MACROD2: variants seen among roughly 807,000 people sequenced by gnomAD.
MACROD2 encodes mono-ADP ribosylhydrolase 2, also known as ADP-ribose glycohydrolase MACROD2.
MACROD2 carries 36 observed loss-of-function variants against 70.4 expected under a neutral mutation model. The observed-to-expected ratio is 0.51, with a 90% confidence interval of 0.39 to 0.68. The LOEUF (loss-of-function observed/expected upper bound fraction) is 0.68. Ranked by LOEUF, MACROD2 falls within the 30% of genes least tolerant of loss-of-function variation. The probability of loss-of-function intolerance (pLI) is 0.00; values close to 1 mark genes in which losing one functional copy is unlikely to be tolerated. For synonymous variants in MACROD2, 172 were observed against 178.8 expected (o/e 0.96, Z 0.30); for missense variants, 496 against 538.4 (o/e 0.92, Z 0.78).
intron 13 of MACROD2, among the ~76,000 whole-genome samples, chr20:15,971,114 A>T (rs991908871): frequency 1.3e-5 from 2 of 152,192 alleles, no homozygotes; most frequent in Admixed American, 1.3e-4. Flanking sequence ...CATCTTTCAT[A>T]TTTCTGCATG....
intron 3 of MACROD2, among the ~76,000 whole-genome samples, chr20:14,103,287 G>A (rs1332192012): frequency 2.6e-5 from 4 of 152,096 alleles, no homozygotes; most frequent in Non-Finnish European, 5.9e-5. Context: ...ATCTTCTGAA[G>A]TTAAATAGTA....
chr20:14,453,233 G>T (rs2084264032), intron 3 of MACROD2, among the ~76,000 whole-genome samples: 1 of 152,152 alleles, frequency 6.6e-6, no homozygotes, highest in Non-Finnish European at 1.5e-5. Flanking sequence ...GAGAATGCTT[G>T]TAGTTTGTCA....
intron 2 of MACROD2, among the ~76,000 whole-genome samples, chr20:14,081,009 T>G (rs2053986665): frequency 6.6e-6 from 1 of 152,230 alleles, no homozygotes; most frequent in African/African-American, 2.4e-5. Flanking sequence ...TAAGCAAACT[T>G]TAGGCAGGTT....
intron 3 of MACROD2, among the ~76,000 whole-genome samples, chr20:14,482,201 T>C (rs56157427): frequency 1.1e-4 from 16 of 151,154 alleles, no homozygotes; most frequent in Middle Eastern, 3.5e-3. Context: ...CAGCATACTT[T>C]AGATGTGTAA....
intron 8 of MACROD2, among the ~76,000 whole-genome samples, chr20:15,531,659 A>G (rs2047803054): frequency 6.6e-6 from 1 of 152,156 alleles, no homozygotes; most frequent in Admixed American, 6.5e-5. Flanking sequence ...ATACTCACTC[A>G]TAGACTCAGG....
intron 5 of MACROD2, among the ~76,000 whole-genome samples, chr20:14,785,946 G>A (rs914023611): frequency 6.6e-6 from 1 of 152,008 alleles, no homozygotes; most frequent in African/African-American, 2.4e-5. Flanking sequence ...CAGTACATCA[G>A]CAGCTTACTT....
intron 8 of MACROD2, among the ~76,000 whole-genome samples, chr20:15,609,664 G>A (rs531823479): frequency 9.1e-4 from 138 of 152,320 alleles, no homozygotes; most frequent in African/African-American, 2.4e-3. Context: ...AGAATGCAAA[G>A]GAACGACGGG....
chr20:14,967,862 T>C (rs1316110721), intron 5 of MACROD2, among the ~76,000 whole-genome samples: 1 of 152,142 alleles, frequency 6.6e-6, no homozygotes, highest in Non-Finnish European at 1.5e-5. Context: ...ATAAATTTTA[T>C]ATAACCTACC....
chr20:15,743,065 C>A (rs145352678), intron 8 of MACROD2, among the ~76,000 whole-genome samples: 1 of 152,252 alleles, frequency 6.6e-6, no homozygotes, highest in African/African-American at 2.4e-5. Flanking sequence ...GTAGCCCTCA[C>A]CCCGGCCTCA....
chr20:14,160,062 G>A (rs2055162357), intron 3 of MACROD2, among the ~76,000 whole-genome samples: 1 of 152,166 alleles, frequency 6.6e-6, no homozygotes, highest in African/African-American at 2.4e-5. Flanking sequence ...TTGCATCCCT[G>A]GGATAAAGCC....
chr20:15,737,890 G>GGATA (rs11473551), intron 8 of MACROD2, among the ~76,000 whole-genome samples: 4 of 149,744 alleles, frequency 2.7e-5, no homozygotes, highest in Non-Finnish European at 6.0e-5. Flanking sequence ...ATGGATGGAT[G>GGATA]ATGAATGGAT....
At chr20:15,635,488 T>C (rs898245699) in intron 8 of MACROD2, among the ~76,000 whole-genome samples, 1 of 152,134 alleles carries the variant, frequency 6.6e-6, no homozygotes, top group African/African-American at 2.4e-5. Flanking sequence ...AGAACAGGAA[T>C]AGAAAGCCAA....
chr20:15,764,583 T>C (rs1431142287), intron 8 of MACROD2, among the ~76,000 whole-genome samples: 1 of 152,166 alleles, frequency 6.6e-6, no homozygotes, highest in African/African-American at 2.4e-5. Flanking sequence ...CTCCAATCCA[T>C]GTGCCAGCCA....
chr20:14,743,956 A>G (rs2071766822), intron 5 of MACROD2, among the ~76,000 whole-genome samples: 1 of 152,172 alleles, frequency 6.6e-6, no homozygotes, highest in Non-Finnish European at 1.5e-5. Flanking sequence ...AGTAGGGGCC[A>G]CAAGCCAAGA....
chr20:15,436,116 A>C (rs1186047993), intron 7 of MACROD2, among the ~76,000 whole-genome samples: 1 of 152,052 alleles, frequency 6.6e-6, no homozygotes, highest in Non-Finnish European at 1.5e-5. Context: ...TTAGATTGCT[A>C]TGTCTCTGTG....
intron 5 of MACROD2, among the ~76,000 whole-genome samples, chr20:14,873,629 G>A (rs372381970): frequency 1.2e-4 from 18 of 152,050 alleles, no homozygotes; most frequent in South Asian, 6.2e-4. Context: ...TTGGGAAGCC[G>A]AGACAGGCAG....
intron 4 of MACROD2, among the ~76,000 whole-genome samples, chr20:14,682,033 A>G (rs1310250191): frequency 6.6e-6 from 1 of 152,136 alleles, no homozygotes; most frequent in African/African-American, 2.4e-5. Flanking sequence ...AGCTGTAGTT[A>G]TTATTATTAA....
intron 7 of MACROD2, among the ~76,000 whole-genome samples, chr20:15,477,838 T>C (rs1445529163): frequency 3.9e-5 from 6 of 152,100 alleles, no homozygotes; most frequent in African/African-American, 9.7e-5. Flanking sequence ...ATGGTCCTTA[T>C]ATGAGGAAGG....
At chr20:15,089,319 G>A (rs535001096) in intron 5 of MACROD2, among the ~76,000 whole-genome samples, 29 of 152,176 alleles carry the variant, frequency 1.9e-4, no homozygotes, top group African/African-American at 6.7e-4. Context: ...AGAGGGATGG[G>A]AGAAAGGGTG....
Sources: gnomAD v4.1 joint callset for allele counts (sites outside exome capture counted in the v4.1 genomes callset) on GRCh38, gnomAD v4.1.1 for gene constraint, MANE v1.5 for transcripts, NCBI Gene and HGNC (gene_info 2026-07-23, HGNC 2026-07-21) for gene names.